Variants in CFAP47 observed in about 807,000 individuals in gnomAD.
CFAP47 encodes cilia and flagella associated protein 47.
A neutral mutation model predicts 148.1 loss-of-function variants in CFAP47; 29 were observed. The observed-to-expected ratio is 0.20, with a 90% CI of 0.15 to 0.27. The LOEUF is 0.27. CFAP47 is among the 10% of genes least tolerant of loss of function. The pLI, the probability that CFAP47 is intolerant of heterozygous loss-of-function variation, is 1.00. For missense variants in CFAP47, 1,872 were observed against 1,697.5 expected (o/e 1.10, Z -1.81); for synonymous variants, 664 against 577.3 (o/e 1.15, Z -2.15).
Position 35,929,945 on chromosome X carries a change from G to A in CFAP47, c.401+3777G>A, listed in dbSNP as rs1442742141. On this transcript the variant is annotated intron_variant, in intron 2 of 63. Coordinates refer to ENST00000378653, the MANE Select transcript of CFAP47 (RefSeq NM_001304548.2). ...GCCTGGGAGGTGGAGGTTGCAGTGAGCTGAAATCATGCCAATGCACTTCAG... is the reference window on the plus strand; with the variant it reads ...GCCTGGGAGGTGGAGGTTGCAGTGAACTGAAATCATGCCAATGCACTTCAG... 5.4e-5 allele frequency among the ~76,000 whole-genome samples: 6 copies of A among 111,243 alleles called. No individual in the cohort carries two copies. In the East Asian group the frequency reaches 1.7e-3, roughly 31 times the overall value.
At chrX:36,182,624 A>G (rs770328844) in intron 40 of CFAP47, among the ~76,000 whole-genome samples, 5 of 112,178 alleles carry the variant, frequency 4.5e-5, no homozygotes, top group Non-Finnish European at 9.4e-5. Flanking sequence ...GACCAGAATG[A>G]AAGTCAATAG....
chrX:36,174,358 T>G (rs374930231), intron 39 of CFAP47, among the ~76,000 whole-genome samples: 3 of 109,934 alleles, frequency 2.7e-5, no homozygotes, highest in South Asian at 4.1e-4. Context: ...GTTAGCTGGT[T>G]ATTTTGCTCG....
At chrX:36,131,963 G>A (rs5973583) in intron 33 of CFAP47, among the ~76,000 whole-genome samples, 16,590 of 110,509 alleles carry the variant, frequency 0.15, 2,568 homozygotes, top group African/African-American at 0.47. Context: ...ACTATACTAA[G>A]CAACAATGAA....
chrX:36,130,762 C>T (rs1478477468), intron 33 of CFAP47, among the ~76,000 whole-genome samples: 1 of 110,994 alleles, frequency 9.0e-6, no homozygotes, highest in East Asian at 2.8e-4. Context: ...GAACGATATC[C>T]TGTCATTTAC....
chrX:36,021,427 C>T (rs774380643), intron 22 of CFAP47, among the ~76,000 whole-genome samples: 2 of 110,790 alleles, frequency 1.8e-5, no homozygotes, highest in Admixed American at 9.6e-5. Flanking sequence ...CTCAGCCTTC[C>T]GAGTAGCTGG....
At chrX:36,039,248 G>T in intron 25 of CFAP47, 69 bp downstream of exon 25, 2 of 462,811 alleles carry the variant, frequency 4.3e-6, no homozygotes, top group Non-Finnish European at 6.6e-6. Context: ...TGTTATATAA[G>T]AATTATATAA....
chrX:35,987,166 G>A lies in CFAP47; in HGVS notation c.2714-2153G>A, dbSNP rs562582228. Among the ~76,000 whole-genome samples, 4 of 111,635 alleles carry A rather than the reference G, an allele frequency of 3.6e-5. No individual in the cohort carries two copies. The East Asian group carries it at 8.6e-4, about 24-fold the overall frequency. ...GAGATCTGCTGCTCTCTTCAGAGGC[G>A]GCAGGCAGGAAAGTTTAAGTCTGCT... On this transcript the variant is annotated intron_variant, in intron 15 of 63. Coordinates refer to ENST00000378653, the MANE Select transcript of CFAP47 (RefSeq NM_001304548.2).
At chrX:36,187,880 T>C (rs1366357825) in intron 40 of CFAP47, among the ~76,000 whole-genome samples, 1 of 111,751 alleles carries the variant, frequency 8.9e-6, no homozygotes, top group Non-Finnish European at 1.9e-5. Context: ...CAAAATATTT[T>C]ACAGCATCAA....
intron 40 of CFAP47, among the ~76,000 whole-genome samples, chrX:36,184,204 A>C: frequency 8.9e-6 from 1 of 111,894 alleles, no homozygotes; most frequent in Non-Finnish European, 1.9e-5. Flanking sequence ...ATGGAAGAGA[A>C]GACATTTTAA....
At chrX:36,005,978 T>A (rs1232102298) in intron 21 of CFAP47, among the ~76,000 whole-genome samples, 2 of 111,095 alleles carry the variant, frequency 1.8e-5, no homozygotes, top group African/African-American at 6.5e-5. Context: ...ATTTATAGAT[T>A]TTTAAAAATT....
intron 49 of CFAP47, among the ~76,000 whole-genome samples, chrX:36,266,696 G>A (rs113718231): frequency 0.045 from 5,028 of 110,785 alleles, 325 homozygotes; most frequent in African/African-American, 0.16. Context: ...GCTGCACTGC[G>A]TGTAGGCATG....
At chrX:36,066,079 T>C (rs1298502371) in intron 27 of CFAP47, among the ~76,000 whole-genome samples, 3 of 111,999 alleles carry the variant, frequency 2.7e-5, no homozygotes, top group Non-Finnish European at 5.6e-5. Flanking sequence ...TATCAGTGTT[T>C]AGAAAGGGAA....
intron 42 of CFAP47, among the ~76,000 whole-genome samples, chrX:36,197,472 GTAAT>G (rs1210642682): frequency 8.9e-6 from 1 of 111,951 alleles, no homozygotes; most frequent in Non-Finnish European, 1.9e-5. Flanking sequence ...GAATTTTTAG[GTAAT>G]TAGTTATCTA....
At chrX:35,940,174 C>T (rs1200035863) in intron 2 of CFAP47, among the ~76,000 whole-genome samples, 1 of 110,940 alleles carries the variant, frequency 9.0e-6, no homozygotes, top group Non-Finnish European at 1.9e-5. Context: ...TGTTTGAGTT[C>T]ATTGTAGATT....
intron 27 of CFAP47, among the ~76,000 whole-genome samples, chrX:36,067,756 A>G (rs6629036): frequency 0.26 from 26,647 of 104,407 alleles, 5,053 homozygotes; most frequent in African/African-American, 0.64. Flanking sequence ...TCCGCCTCCC[A>G]AGTTCACGCC....
chrX:36,384,972 C>T lies in CFAP47; in HGVS notation c.9530C>T (p.Thr3177Ile), dbSNP rs1556024917. 1 of 1,164,937 alleles carries T rather than the reference C, an allele frequency of 8.6e-7. No homozygotes were observed. ...CTCATAAGAACAGGGGTGTCTTCCA[C>T]CATCAAGGGTGCTCCTTTGGTGAAG... The part of the protein sequence containing the change: ...TKLIRTGVSS[T>I]IKGAPLVKNQ The change falls in exon 64 of 64, where the codon ACC becomes ATC. Residue 3177 changes from threonine (T) to isoleucine (I), a missense_variant. Coordinates refer to ENST00000378653, the MANE Select transcript of CFAP47 (RefSeq NM_001304548.2).
intron 33 of CFAP47, among the ~76,000 whole-genome samples, chrX:36,121,900 T>C (rs1228318410): frequency 9.0e-6 from 1 of 111,432 alleles, no homozygotes; most frequent in Non-Finnish European, 1.9e-5. Flanking sequence ...GATTTTTTTA[T>C]TGTTCATTAA....
chrX:36,234,484 C>G (rs1418593595), intron 46 of CFAP47, among the ~76,000 whole-genome samples: 1 of 111,996 alleles, frequency 8.9e-6, no homozygotes, highest in Non-Finnish European at 1.9e-5. Context: ...TTAAGCACTT[C>G]TCTGTATTGG....
At chrX:36,091,946 C>G (rs183868298) in intron 30 of CFAP47, among the ~76,000 whole-genome samples, 26 of 110,954 alleles carry the variant, frequency 2.3e-4, no homozygotes, top group African/African-American at 7.5e-4. Flanking sequence ...GAGTGGTGTT[C>G]TAGGTTCACT....
Sources: allele counts gnomAD v4.1 joint callset (sites outside exome capture counted in the v4.1 genomes callset), GRCh38; gene constraint gnomAD v4.1.1; transcripts MANE v1.5; gene names NCBI Gene and HGNC (gene_info 2026-07-23, HGNC 2026-07-21).